CCR5AS: variants seen among roughly 807,000 people sequenced by gnomAD.
The protein encoded by CCR5AS is CCR5 antisense RNA.
chr3:46,401,016 G>C (rs972629764), intron 1 of CCR5AS, among the ~76,000 whole-genome samples: 1 of 152,186 alleles, frequency 6.6e-6, no homozygotes, highest in Non-Finnish European at 1.5e-5. Context: ...AGATGTCAGG[G>C]AAATTGTCAG....
At chr3:46,385,967 G>A (rs1247167984) in intron 2 of CCR5AS, among the ~76,000 whole-genome samples, 5 of 151,846 alleles carry the variant, frequency 3.3e-5, no homozygotes. Context: ...TTTGAGACAG[G>A]GTCTCACTTT....
intron 2 of CCR5AS, among the ~76,000 whole-genome samples, chr3:46,384,862 TA>T (rs1559572405): frequency 0.13 from 295 of 2,258 alleles, 4 homozygotes; most frequent in African/African-American, 0.2. Flanking sequence ...AGATGATAGA[TA>T]GATAGATAGA....
At chr3:46,390,515 T>G (rs1295124083) in intron 2 of CCR5AS, among the ~76,000 whole-genome samples, 1 of 152,066 alleles carries the variant, frequency 6.6e-6, no homozygotes, top group Non-Finnish European at 1.5e-5. Flanking sequence ...GATGGGATAT[T>G]GGCATTGAGC....
chr3:46,365,496 A>G (rs1701591084), intron 3 of CCR5AS, among the ~76,000 whole-genome samples: 1 of 152,230 alleles, frequency 6.6e-6, no homozygotes, highest in Admixed American at 6.5e-5. Context: ...TTTTATATGC[A>G]CTGGGAAACC....
intron 3 of CCR5AS, among the ~76,000 whole-genome samples, chr3:46,368,486 CCT>C (rs1162397023): frequency 2.0e-5 from 3 of 152,292 alleles, no homozygotes; most frequent in Admixed American, 6.5e-5. Context: ...GCTGAACCCC[CCT>C]GTCCTGAGTG....
intron 2 of CCR5AS, among the ~76,000 whole-genome samples, chr3:46,386,549 A>G (rs1289379069): frequency 6.6e-6 from 1 of 152,204 alleles, no homozygotes; most frequent in South Asian, 2.1e-4. Flanking sequence ...CAGCCAGCCA[A>G]ATCCAGAATA....
rs553361797 is a variant in CCR5AS at position 46,385,683 on chromosome 3, A to ACT, written n.391+7140_391+7141dup. On this transcript the variant is annotated intron_variant and non_coding_transcript_variant, in intron 2 of 3. Transcript: ENST00000451485. ...GAAGCCCCAAACCCTACTGGGCGCA[A>ACT]CTCTCTCTCTCTTGAGTATGCCTGC... Among the ~76,000 whole-genome samples, 61 of 151,132 alleles carry ACT rather than the reference A, an allele frequency of 4.0e-4. No homozygotes were observed. In the South Asian group the frequency reaches 0.011, roughly 27 times the overall value.
intron 2 of CCR5AS, among the ~76,000 whole-genome samples, chr3:46,372,305 A>G (rs1230451801): frequency 6.6e-6 from 1 of 152,118 alleles, no homozygotes; most frequent in Admixed American, 6.5e-5. Flanking sequence ...CTGAGGCAGG[A>G]GGATCGCTTG....
chr3:46,367,217 C>T (rs1215529834), intron 3 of CCR5AS, among the ~76,000 whole-genome samples: 2 of 151,946 alleles, frequency 1.3e-5, no homozygotes, highest in Non-Finnish European at 2.9e-5. Context: ...CATCTTGATC[C>T]GGAGTGGTAG....
chr3:46,401,349 C>CTTGGATCTTT (rs1342830691), intron 1 of CCR5AS, among the ~76,000 whole-genome samples: 1 of 152,034 alleles, frequency 6.6e-6, no homozygotes. Context: ...CTATGTTAGT[C>CTTGGATCTTT]CAAATCTTTC....
At chr3:46,387,048 A>G (rs1701868422) in intron 2 of CCR5AS, among the ~76,000 whole-genome samples, 2 of 152,356 alleles carry the variant, frequency 1.3e-5, no homozygotes, top group South Asian at 4.1e-4. Flanking sequence ...AGATAAAGAA[A>G]GAAAAGAGAA....
chr3:46,385,342 T>G (rs901846763), intron 2 of CCR5AS, among the ~76,000 whole-genome samples: 1 of 152,134 alleles, frequency 6.6e-6, no homozygotes, highest in African/African-American at 2.4e-5. Flanking sequence ...GGCAGCAGTT[T>G]GACTAGTAAA....
chr3:46,381,792 C>A (rs1374324632), intron 2 of CCR5AS, among the ~76,000 whole-genome samples: 1 of 152,190 alleles, frequency 6.6e-6, no homozygotes, highest in Non-Finnish European at 1.5e-5. Context: ...CAGAGCCCAG[C>A]AGAGAAGAGG....
chr3:46,386,197 T>C (rs994144350), intron 2 of CCR5AS, among the ~76,000 whole-genome samples: 2 of 152,268 alleles, frequency 1.3e-5, no homozygotes, highest in East Asian at 1.9e-4. Context: ...ATTACAGGAA[T>C]GAGCCACCCC....
chr3:46,403,230 G>A (rs1702017950), intron 1 of CCR5AS, among the ~76,000 whole-genome samples: 1 of 152,190 alleles, frequency 6.6e-6, no homozygotes, highest in Admixed American at 6.5e-5. Flanking sequence ...ATGGTAGAAT[G>A]ATTTATATTC....
At chr3:46,388,988 G>A (rs775685745) in intron 2 of CCR5AS, among the ~76,000 whole-genome samples, 9 of 152,162 alleles carry the variant, frequency 5.9e-5, no homozygotes, top group Non-Finnish European at 1.2e-4. Context: ...GTGTAAACTG[G>A]CAGTGTAAAC....
intron 3 of CCR5AS, among the ~76,000 whole-genome samples, chr3:46,369,865 A>G (rs1701637944): frequency 6.6e-6 from 1 of 152,138 alleles, no homozygotes; most frequent in Admixed American, 6.5e-5. Flanking sequence ...CTGCCTCTGT[A>G]GGATTGGGGG....
intron 3 of CCR5AS, among the ~76,000 whole-genome samples, chr3:46,366,106 G>A (rs548800660): frequency 2.4e-4 from 36 of 152,226 alleles, no homozygotes; most frequent in African/African-American, 8.2e-4. Context: ...AATTGCCTCC[G>A]TATACAGACT....
At chr3:46,392,912 AG>A in exon 2 of CCR5AS, 1 of 185,728 alleles carries the variant, frequency 5.4e-6, no homozygotes. Context: ...GGGTGAGGAG[AG>A]GGGACCAATC....
Sources: allele counts gnomAD v4.1 joint callset (sites outside exome capture counted in the v4.1 genomes callset), GRCh38; gene constraint gnomAD v4.1.1; transcripts MANE v1.5; gene names NCBI Gene and HGNC (gene_info 2026-07-23, HGNC 2026-07-21).